Variants in GPHN observed in about 807,000 individuals in gnomAD.
GPHN encodes the protein gephyrin.
A neutral mutation model predicts 95.5 loss-of-function variants in GPHN; 17 were observed. The observed-to-expected ratio is 0.18, with a 90% confidence interval of 0.12 to 0.27. The LOEUF is 0.27. Ranked by LOEUF, GPHN falls within the 10% of genes least tolerant of loss-of-function variation. The pLI, the probability that GPHN is intolerant of heterozygous loss-of-function variation, is 1.00. For missense variants in GPHN, 660 were observed against 978.1 expected, an observed-to-expected ratio of 0.67 and a Z score of 4.34; for synonymous variants, 320 against 322.5, an observed-to-expected ratio of 0.99 and a Z score of 0.08.
rs114193670 is a variant in GPHN, at chr14:66,534,215, A to G, written c.64+25624A>G. On this transcript the variant is annotated intron_variant, in intron 1 of 22. Coordinates refer to ENST00000478722, the MANE Select transcript of GPHN (RefSeq NM_020806.5). ...TTTTTTATGTGTACAAACTCTTACA[A>G]TTAACACTCAGATCAAGATGTAGAA... Among the ~76,000 whole-genome samples, 1,305 of 152,274 alleles carry G rather than the reference A, an allele frequency of 8.6e-3. 29 individuals carry two copies. Among genetic ancestry groups the G allele is most frequent in the African/African-American group, 0.03 (1,237 of 41,566 alleles).
At chr14:66,854,466 A>G (rs952033702) in intron 4 of GPHN, among the ~76,000 whole-genome samples, 1 of 152,246 alleles carries the variant, frequency 6.6e-6, no homozygotes, top group Non-Finnish European at 1.5e-5. Flanking sequence ...TTAAATGTAC[A>G]TACTTTTAGC....
In GPHN at chr14:66,776,404, CT is replaced by C; in HGVS notation, c.144-57del. The C allele has an allele frequency of 3.0e-6, 3 of 999,140 alleles. No homozygotes were observed. In the South Asian group the frequency reaches 3.8e-5, roughly 13 times the overall value. The allele number at this position is 999,140 out of a possible 1,614,324, so 61.9% of individuals were successfully genotyped here. Reference sequence around the variant, plus strand: ...GCATTCTGATGGTAATGGCAGAAATCTTTCATACATTTTAAACACTATTGCT... The same window carrying C: ...GCATTCTGATGGTAATGGCAGAAATCTTCATACATTTTAAACACTATTGCT... On this transcript the variant is annotated intron_variant, in intron 2 of 22. Transcript: ENST00000478722.
the GPHN span, among the ~76,000 whole-genome samples, chr14:67,225,926 AGT>A: frequency 0.018 from 2,508 of 136,688 alleles, 38 homozygotes; most frequent in African/African-American, 0.039. Flanking sequence ...TAATGCTGTG[AGT>A]GTGTGTGTGT....
At chr14:67,038,843 C>A (rs1057302170) in intron 10 of GPHN, among the ~76,000 whole-genome samples, 1 of 152,108 alleles carries the variant, frequency 6.6e-6, no homozygotes, top group African/African-American at 2.4e-5. Flanking sequence ...AATTTGAAAT[C>A]TCCTCATGAT....
At chr14:66,805,894 T>C (rs183139129) in intron 3 of GPHN, among the ~76,000 whole-genome samples, 7 of 152,292 alleles carry the variant, frequency 4.6e-5, no homozygotes, top group African/African-American at 7.2e-5. Context: ...TTCTGGGGTC[T>C]GGAGGATGGT....
intron 3 of GPHN, among the ~76,000 whole-genome samples, chr14:66,803,814 T>C (rs1217047180): frequency 2.6e-5 from 4 of 152,150 alleles, no homozygotes; most frequent in African/African-American, 9.7e-5. Flanking sequence ...GTGTTTGCAT[T>C]ATTTACCCCT....
chr14:67,310,028 C>A, the GPHN span, among the ~76,000 whole-genome samples: 1 of 129,586 alleles, frequency 7.7e-6, no homozygotes. Context: ...CAAACAGATT[C>A]TAGAAGTATT....
At chr14:67,561,452 GAGGTGGGAGGCTA>G in the GPHN span, among the ~76,000 whole-genome samples, 8 of 152,234 alleles carry the variant, frequency 5.3e-5, no homozygotes. Flanking sequence ...TCGGGAGGCT[GAGGTGGGAGGCTA>G]AGGTGGGAGG....
At chr14:67,329,692 AAC>A in the GPHN span, among the ~76,000 whole-genome samples, 1 of 152,168 alleles carries the variant, frequency 6.6e-6, no homozygotes, top group African/African-American at 2.4e-5. Context: ...CAGCCTGGGC[AAC>A]ATAGTGAAAT....
intron 1 of GPHN, among the ~76,000 whole-genome samples, chr14:66,511,104 G>C (rs2058025930): frequency 6.6e-6 from 1 of 152,108 alleles, no homozygotes; most frequent in Non-Finnish European, 1.5e-5. Flanking sequence ...ATGATGGAGA[G>C]GAAAGAAAAC....
At chr14:66,809,208 A>G (rs1296331238) in intron 3 of GPHN, among the ~76,000 whole-genome samples, 1 of 152,312 alleles carries the variant, frequency 6.6e-6, no homozygotes, top group Non-Finnish European at 1.5e-5. Flanking sequence ...CTTTATAGCA[A>G]TCTAGGTGAA....
At chr14:67,295,592 A>G in the GPHN span, among the ~76,000 whole-genome samples, 1 of 152,190 alleles carries the variant, frequency 6.6e-6, no homozygotes, top group Non-Finnish European at 1.5e-5. Flanking sequence ...CCAAATGGCC[A>G]ATAGCAATGA....
the GPHN span, chr14:67,646,722 G>T: frequency 1.2e-6 from 2 of 1,612,746 alleles, no homozygotes; most frequent in Non-Finnish European, 1.7e-6. Flanking sequence ...TCTGAGAGAC[G>T]TGGACCCTCC....
intron 1 of GPHN, among the ~76,000 whole-genome samples, chr14:66,616,939 C>T (rs1048900851): frequency 6.6e-6 from 1 of 152,202 alleles, no homozygotes; most frequent in South Asian, 2.1e-4. Context: ...ATCTCCTGAC[C>T]TCGTGATCTG....
At chr14:66,588,098 G>C (rs757278096) in intron 1 of GPHN, among the ~76,000 whole-genome samples, 70 of 152,208 alleles carry the variant, frequency 4.6e-4, no homozygotes, top group African/African-American at 1.5e-3. Flanking sequence ...AGGCAAACAG[G>C]GTCTGGAGTG....
chr14:66,991,020 A>G (rs1202148939), intron 9 of GPHN, among the ~76,000 whole-genome samples: 2 of 152,064 alleles, frequency 1.3e-5, no homozygotes, highest in East Asian at 1.9e-4. Flanking sequence ...CTATTGATTA[A>G]GGATAATGTA....
the GPHN span, among the ~76,000 whole-genome samples, chr14:67,339,673 G>A: frequency 6.6e-6 from 1 of 152,054 alleles, no homozygotes; most frequent in African/African-American, 2.4e-5. Context: ...ATACTATTTG[G>A]TAATGCCTCC....
At chr14:66,819,996 G>A (rs1957297) in intron 3 of GPHN, among the ~76,000 whole-genome samples, 38,235 of 151,900 alleles carry the variant, frequency 0.25, 7,033 homozygotes, top group African/African-American at 0.49. Context: ...TGAAATAACT[G>A]TTTTTTATTA....
intron 3 of GPHN, among the ~76,000 whole-genome samples, chr14:66,817,121 T>C (rs1432648317): frequency 6.6e-6 from 1 of 152,116 alleles, no homozygotes; most frequent in Non-Finnish European, 1.5e-5. Flanking sequence ...TACTGATCTA[T>C]TATGTTAATA....
Sources: gnomAD v4.1 joint callset for allele counts (sites outside exome capture counted in the v4.1 genomes callset) on GRCh38, gnomAD v4.1.1 for gene constraint, MANE v1.5 for transcripts, NCBI Gene and HGNC (gene_info 2026-07-23, HGNC 2026-07-21) for gene names.